The following SYT16 variants were observed in gnomAD, a reference collection of about 807,000 sequenced individuals.
The protein encoded by SYT16 is synaptotagmin 16.
Under a neutral mutation model 61.4 loss-of-function variants are expected in SYT16, and 42 were observed. The observed-to-expected ratio is 0.68, with a 90% CI of 0.53 to 0.89. The LOEUF is 0.89. Among genes scored for constraint, SYT16 ranks in the 40% least tolerant of loss-of-function variants. The pLI is 0.00. For missense variants in SYT16, 804 were observed against 807.3 expected, an observed-to-expected ratio of 1.00 and a Z score of 0.05; for synonymous variants, 314 against 302.3, an observed-to-expected ratio of 1.04 and a Z score of -0.40.
At chr14:61,832,246 G>A (rs1433071852) in intron 1 of SYT16, 1 of 612,756 alleles carries the variant, frequency 1.6e-6, no homozygotes, top group Admixed American at 1.9e-5. Context: ...GGATAGTCAC[G>A]TCGATCCACA....
chr14:61,965,705 A>C (rs1424727668), intron 1 of SYT16, among the ~76,000 whole-genome samples: 1 of 152,130 alleles, frequency 6.6e-6, no homozygotes, highest in Non-Finnish European at 1.5e-5. Flanking sequence ...TGTAGAGGAA[A>C]AAACAAATAG....
At chr14:62,075,604 T>TTAAAAAAAAAAAAAAAAAAAAGAA (rs1566824324) in intron 5 of SYT16, among the ~76,000 whole-genome samples, 2 of 61,426 alleles carry the variant, frequency 3.3e-5, no homozygotes, top group Non-Finnish European at 6.6e-5. Context: ...GGATGAACGG[T>TTAAAAAAAAAAAAAAAAAAAAGAA]AAAAAAAAAA....
rs1374442950 is a variant in SYT16 at position 62,112,045 on chromosome 14, C to CCTTT, written c.*11338_*11339insCTTT. The CCTTT allele has an allele frequency of 5.9e-5, 9 of 152,172 alleles. No individual in the cohort carries two copies. In the South Asian group the frequency reaches 1.9e-3, roughly 31 times the overall value. The allele number at this position is 152,172 out of a possible 1,614,324, so 9.4% of individuals were successfully genotyped here. A position where few individuals can be genotyped will look rare whatever the true frequency, so the allele number is the denominator to read the frequency against. The stretch of plus-strand genomic sequence containing the variant: ...GTGGAAATTTTTTAATTGTTAAAAA[C>CCTTT]TGGAATACCTTTCTACCTTTTGTAG... On this transcript the variant is annotated 3_prime_UTR_variant, in exon 8 of 8. Coordinates refer to ENST00000683842, the MANE Select transcript of SYT16 (RefSeq NM_001367656.1).
At chr14:61,949,921 C>A (rs1422710314) in intron 1 of SYT16, among the ~76,000 whole-genome samples, 1 of 152,174 alleles carries the variant, frequency 6.6e-6, no homozygotes, top group Non-Finnish European at 1.5e-5. Context: ...CTTTGTAACA[C>A]GGTGCCTGCA....
chr14:62,072,934 TAAG>T (rs2056353207), intron 4 of SYT16, among the ~76,000 whole-genome samples: 2 of 152,352 alleles, frequency 1.3e-5, no homozygotes, highest in South Asian at 4.1e-4. Flanking sequence ...CTATAATTTC[TAAG>T]AAGCCAGGAT....
intron 1 of SYT16, among the ~76,000 whole-genome samples, chr14:61,930,378 C>T (rs537930197): frequency 5.9e-5 from 9 of 151,992 alleles, no homozygotes; most frequent in East Asian, 3.9e-4. Context: ...CATGTGTTCC[C>T]GGTCTCTGTG....
intron 2 of SYT16, among the ~76,000 whole-genome samples, chr14:61,983,042 T>C (rs2052152567): frequency 6.6e-6 from 1 of 152,158 alleles, no homozygotes; most frequent in Admixed American, 6.5e-5. Flanking sequence ...AATTAGTTGA[T>C]AGGTGGGAAG....
intron 2 of SYT16, among the ~76,000 whole-genome samples, chr14:61,978,497 A>G (rs80068570): frequency 0.025 from 3,873 of 152,328 alleles, 172 homozygotes; most frequent in African/African-American, 0.088. Flanking sequence ...AATTCTGGGA[A>G]GCTTTTAAAA....
chr14:61,995,725 C>G, intron 2 of SYT16, 151 bp from the exon 3 acceptor site: 1 of 296,480 alleles, frequency 3.4e-6, no homozygotes, highest in Non-Finnish European at 6.2e-6. Context: ...TACATCTAGA[C>G]TTTCACAGTC....
chr14:61,949,817 C>T (rs147938639), intron 1 of SYT16, among the ~76,000 whole-genome samples: 11 of 152,248 alleles, frequency 7.2e-5, no homozygotes, highest in Admixed American at 3.3e-4. Flanking sequence ...AGGGTAGCTC[C>T]GTACCCTTAG....
chr14:61,901,765 T>A (rs138628482), intron 1 of SYT16, among the ~76,000 whole-genome samples: 9,619 of 141,646 alleles, frequency 0.068, 322 homozygotes, highest in Non-Finnish European at 0.077. Context: ...TAATAATAAT[T>A]ATTATTATTA....
At chr14:61,994,054 G>A (rs536030737) in intron 2 of SYT16, among the ~76,000 whole-genome samples, 32 of 152,244 alleles carry the variant, frequency 2.1e-4, no homozygotes, top group East Asian at 9.7e-4. Context: ...CATATGAAGC[G>A]AACTAGGTAT....
At position 62,011,922 on chromosome 14, in the gene SYT16, C is replaced by T. The variant is rs1429629012; in HGVS notation, c.523+15380C>T. Among the ~76,000 whole-genome samples the T allele has an allele frequency of 5.8e-3, 537 of 92,266 alleles. 11 individuals are homozygous for T. Among genetic ancestry groups the T allele is most frequent in the African/African-American group, 0.024 (506 of 21,026 alleles). 60.5% of individuals were successfully genotyped at this position (92,266 alleles called of 152,430 possible). A position where few individuals can be genotyped will look rare whatever the true frequency, so the allele number is the denominator to read the frequency against. On this transcript the variant is annotated intron_variant, in intron 3 of 7. Transcript: ENST00000683842. ...ACACACACATATATATACACACACA[C>T]ACACATATATATATATATATTTGAT... is the stretch of plus-strand genomic sequence containing the variant.
intron 4 of SYT16, among the ~76,000 whole-genome samples, chr14:62,071,859 GA>G (rs1212142800): frequency 6.6e-6 from 1 of 152,140 alleles, no homozygotes; most frequent in Non-Finnish European, 1.5e-5. Flanking sequence ...AGTAAAATCT[GA>G]AACATGAGTG....
chr14:61,906,800 T>TCCATCCATCCAC (rs1411791480), intron 1 of SYT16, among the ~76,000 whole-genome samples: 3 of 151,026 alleles, frequency 2.0e-5, no homozygotes, highest in African/African-American at 7.3e-5. Context: ...CATCCATCCA[T>TCCATCCATCCAC]CCATCCATCC....
At chr14:61,942,936 T>C (rs566559253) in intron 1 of SYT16, among the ~76,000 whole-genome samples, 33 of 152,070 alleles carry the variant, frequency 2.2e-4, no homozygotes, top group African/African-American at 8.0e-4. Context: ...AATCAATGAA[T>C]CCAGGAGCTG....
chr14:62,048,953 T>G (rs911804835), intron 3 of SYT16, among the ~76,000 whole-genome samples: 2 of 152,230 alleles, frequency 1.3e-5, no homozygotes, highest in African/African-American at 4.8e-5. Context: ...GTATATTCTG[T>G]TGATCTGGGG....
At chr14:61,924,543 C>T (rs961704641) in intron 1 of SYT16, among the ~76,000 whole-genome samples, 7 of 152,230 alleles carry the variant, frequency 4.6e-5, no homozygotes, top group East Asian at 1.9e-4. Flanking sequence ...AATCTTGGTT[C>T]GAGTACCTAC....
chr14:61,913,220 A>AT (rs2140386006), intron 1 of SYT16, among the ~76,000 whole-genome samples: 1 of 152,198 alleles, frequency 6.6e-6, no homozygotes, highest in East Asian at 1.9e-4. Context: ...GAGTATAGGG[A>AT]TTTTGTCCAG....
Sources: allele counts gnomAD v4.1 joint callset (sites outside exome capture counted in the v4.1 genomes callset), GRCh38; gene constraint gnomAD v4.1.1; transcripts MANE v1.5; gene names NCBI Gene and HGNC (gene_info 2026-07-23, HGNC 2026-07-21).